The following RALGAPA2 variants were observed in gnomAD, a reference collection of about 807,000 sequenced individuals.
The protein encoded by RALGAPA2 is ral GTPase-activating protein subunit alpha-2.
Under a neutral mutation model 230.4 loss-of-function variants are expected in RALGAPA2, and 139 were observed. That is an observed-to-expected ratio of 0.60 (90% CI 0.53 to 0.69). The LOEUF (loss-of-function observed/expected upper bound fraction) is 0.69, where lower values mean the gene tolerates loss of function less well. RALGAPA2 is among the 30% of genes least tolerant of loss of function. The pLI is 0.00. For missense variants in RALGAPA2, 2,163 were observed against 2,276.0 expected (o/e 0.95, Z 1.01); for synonymous variants, 847 against 837.8 (o/e 1.01, Z -0.19).
chr20:20,576,410 AT>A (rs2064821039), intron 20 of RALGAPA2, among the ~76,000 whole-genome samples: 1 of 152,054 alleles, frequency 6.6e-6, no homozygotes, highest in South Asian at 2.1e-4. Flanking sequence ...GATGACCTTC[AT>A]GGTTTTTAAG....
chr20:20,424,105 A>C (rs564280417), intron 37 of RALGAPA2, among the ~76,000 whole-genome samples: 2 of 152,318 alleles, frequency 1.3e-5, no homozygotes, highest in Non-Finnish European at 2.9e-5. Flanking sequence ...GAGGCGCTCC[A>C]CACATGCAAC....
intron 36 of RALGAPA2, among the ~76,000 whole-genome samples, chr20:20,476,861 T>C (rs1166369561): frequency 6.6e-6 from 1 of 152,102 alleles, no homozygotes; most frequent in African/African-American, 2.4e-5. Flanking sequence ...TTGTGTTATA[T>C]TCACCCAACA....
Position 20,672,546 on chromosome 20 carries a change from T to G in RALGAPA2, c.270+3690A>C, listed in dbSNP as rs138724302. Among the ~76,000 whole-genome samples the G allele has an allele frequency of 4.9e-3, 749 of 152,224 alleles. 3 individuals carry two copies. Among genetic ancestry groups the G allele is most frequent in the South Asian group, 0.017 (84 of 4,822 alleles). On this transcript the variant is annotated intron_variant, in intron 3 of 39. Transcript: ENST00000202677. ...CATTGAAATGTACAGCTCAATAGAT[T>G]GGTAAAGTAGCAGATTTGTTCCAAA...
chr20:20,641,763 C>G (rs1007448781), intron 5 of RALGAPA2, among the ~76,000 whole-genome samples: 1 of 151,978 alleles, frequency 6.6e-6, no homozygotes, highest in Non-Finnish European at 1.5e-5. Flanking sequence ...TGCCTCATCT[C>G]CTTTCAATTA....
At chr20:20,573,861 G>GT (rs2064734177) in intron 20 of RALGAPA2, among the ~76,000 whole-genome samples, 2 of 152,094 alleles carry the variant, frequency 1.3e-5, no homozygotes, top group East Asian at 1.9e-4. Flanking sequence ...ATTTGTTCCT[G>GT]TTTTTTGGCA....
chr20:20,557,047 T>C (rs955342641), intron 23 of RALGAPA2, among the ~76,000 whole-genome samples: 7 of 152,152 alleles, frequency 4.6e-5, no homozygotes, highest in Admixed American at 1.3e-4. Flanking sequence ...TGATGGCTTA[T>C]GCCTGTAATC....
chr20:20,425,898 G>C (rs2122908177), intron 37 of RALGAPA2, among the ~76,000 whole-genome samples: 1 of 152,300 alleles, frequency 6.6e-6, no homozygotes, highest in African/African-American at 2.4e-5. Flanking sequence ...CTGATTTCTG[G>C]CTATTAATAA....
intron 16 of RALGAPA2, among the ~76,000 whole-genome samples, chr20:20,600,897 C>A (rs1278358685): frequency 6.6e-6 from 1 of 152,118 alleles, no homozygotes; most frequent in Non-Finnish European, 1.5e-5. Context: ...GTCAGGAATT[C>A]GAGACCAGCC....
intron 3 of RALGAPA2, among the ~76,000 whole-genome samples, chr20:20,665,666 G>T (rs1032794115): frequency 2.0e-5 from 3 of 152,188 alleles, no homozygotes; most frequent in Non-Finnish European, 2.9e-5. Flanking sequence ...ATTTTAACCA[G>T]GAAAAGTGCA....
chr20:20,534,086 G>C (rs538611848), intron 26 of RALGAPA2, among the ~76,000 whole-genome samples: 5 of 152,140 alleles, frequency 3.3e-5, no homozygotes, highest in Non-Finnish European at 7.4e-5. Context: ...TAAAAAATCA[G>C]AGGATACACA....
At chr20:20,686,430 C>T (rs1209557709) in intron 1 of RALGAPA2, among the ~76,000 whole-genome samples, 2 of 151,796 alleles carry the variant, frequency 1.3e-5, no homozygotes, top group Non-Finnish European at 2.9e-5. Context: ...TCTGTAATCC[C>T]AGCTACTCGG....
In RALGAPA2 at chr20:20,511,245, T is replaced by C; in HGVS notation, c.4928+9A>G. 1.3e-6 allele frequency: 2 copies of C among 1,572,114 alleles called. No individual in the cohort carries two copies. The highest frequency in any genetic ancestry group is 1.8e-5 in the Admixed American group (1 of 54,116). On this transcript the variant is annotated intron_variant, in intron 33 of 39. Coordinates refer to ENST00000202677, the MANE Select transcript of RALGAPA2 (RefSeq NM_020343.4). The stretch of plus-strand genomic sequence containing the variant: ...CAGGAAAAAAGTGGTTTGATATACT[T>C]TCACATACCACTGGCGGGAGTCCAA...
intron 3 of RALGAPA2, among the ~76,000 whole-genome samples, chr20:20,672,936 A>G (rs1054272778): frequency 1.3e-5 from 2 of 152,124 alleles, no homozygotes; most frequent in African/African-American, 4.8e-5. Context: ...TGTAATCCCA[A>G]TACTTTGGGA....
chr20:20,505,655 G>C, intron 33 of RALGAPA2, 121 bp from the exon 34 acceptor site: 1 of 826,786 alleles, frequency 1.2e-6, no homozygotes, highest in Non-Finnish European at 1.8e-6. Flanking sequence ...ACCTGCTAGA[G>C]GTCAGTCAGT....
chr20:20,653,429 C>T, intron 4 of RALGAPA2, 101 bp downstream of exon 4: 1 of 716,162 alleles, frequency 1.4e-6, no homozygotes, highest in Non-Finnish European at 2.4e-6. Flanking sequence ...TATTAATATT[C>T]CTTTCTATAA....
At chr20:20,663,099 G>A (rs1165717278) in intron 3 of RALGAPA2, among the ~76,000 whole-genome samples, 2 of 152,190 alleles carry the variant, frequency 1.3e-5, no homozygotes, top group East Asian at 3.8e-4. Context: ...ACATCACACA[G>A]CATCTGAGGT....
chr20:20,705,525 C>T (rs1418099178), intron 1 of RALGAPA2, among the ~76,000 whole-genome samples: 1 of 152,032 alleles, frequency 6.6e-6, no homozygotes, highest in Non-Finnish European at 1.5e-5. Context: ...AATTCAAGTA[C>T]AAGAATAGTT....
At chr20:20,669,987 A>G (rs1255435349) in intron 3 of RALGAPA2, among the ~76,000 whole-genome samples, 2 of 152,226 alleles carry the variant, frequency 1.3e-5, no homozygotes, top group East Asian at 3.8e-4. Context: ...TTCAAGAACC[A>G]TCACCAAAAT....
chr20:20,605,201 T>C lies in RALGAPA2; in HGVS notation c.2012A>G (p.Gln671Arg), dbSNP rs1568638907. The change falls in exon 15 of 40, where the codon CAA becomes CGA. Residue 671 changes from glutamine (Q) to arginine (R), a missense_variant. Gln to Arg is a conservative substitution (Grantham distance 43). Coordinates refer to ENST00000202677, the MANE Select transcript of RALGAPA2 (RefSeq NM_020343.4). ...TNLPLDKLSE[Q>R]KEKKQRGKGC... ...TTTGCCTCGTTGCTTCTTTTCCTTT[T>C]GTTCACTTAATTTATCCAGAGGTAG... is the stretch of plus-strand genomic sequence containing the variant. The C allele has an allele frequency of 6.2e-7, 1 of 1,612,410 alleles. No individual in the cohort carries two copies. Among genetic ancestry groups the C allele is most frequent in the Non-Finnish European group, 8.5e-7 (1 of 1,178,914 alleles).
Sources: gnomAD v4.1 joint callset for allele counts (sites outside exome capture counted in the v4.1 genomes callset) on GRCh38, gnomAD v4.1.1 for gene constraint, MANE v1.5 for transcripts, NCBI Gene and HGNC (gene_info 2026-07-23, HGNC 2026-07-21) for gene names.